Variants in GLIPR1L2 observed in about 807,000 individuals in gnomAD.
The protein encoded by GLIPR1L2 is GLIPR1 like 2.
GLIPR1L2 carries 21 observed loss-of-function variants against 28.4 expected under a neutral mutation model. The observed-to-expected ratio is 0.74, with a 90% CI of 0.52 to 1.06. GLIPR1L2 has a LOEUF of 1.06. Ranked by LOEUF, GLIPR1L2 falls within the 50% of genes least tolerant of loss-of-function variation. GLIPR1L2 has a pLI of 0.00. For missense variants in GLIPR1L2, 476 were observed against 416.9 expected (o/e 1.14, Z -1.23); for synonymous variants, 145 against 139.3 (o/e 1.04, Z -0.29).
chr12:75,431,072 G>C lies in GLIPR1L2; in HGVS notation c.946G>C (p.Glu316Gln). 1.5e-6 allele frequency: 2 copies of C among 1,342,256 alleles called. No homozygotes were observed. The highest frequency in any genetic ancestry group is 5.0e-5 in the East Asian group (2 of 40,068). 83.1% of individuals were successfully genotyped at this position (1,342,256 alleles called of 1,614,324 possible). Reference sequence around the variant, plus strand: ...GAAAGAGAAAGAGGAAATGGAAATGGAAATAATGGAAATGGAGGAGGAAAA... The same window carrying C: ...GAAAGAGAAAGAGGAAATGGAAATGCAAATAATGGAAATGGAGGAGGAAAA... ...EKKEKEEMEM[E>Q]IMEMEEEKEE... Residue 316 changes from glutamate (E) to glutamine (Q), a missense_variant, in exon 6 of 6, where the codon GAA becomes CAA. Glu to Gln is a conservative substitution (Grantham distance 29). Transcript: ENST00000550916.
intron 1 of GLIPR1L2, among the ~76,000 whole-genome samples, chr12:75,398,364 A>G (rs61932180): frequency 0.19 from 28,440 of 147,934 alleles, 3,262 homozygotes; most frequent in African/African-American, 0.29. Context: ...TTTATCATAT[A>G]AAGATTGAAT....
intron 1 of GLIPR1L2, among the ~76,000 whole-genome samples, chr12:75,397,972 T>C (rs2045698217): frequency 6.6e-6 from 1 of 151,668 alleles, no homozygotes; most frequent in African/African-American, 2.4e-5. Flanking sequence ...TTAACTTTTC[T>C]CTTCATTTCT....
Position 75,432,571 on chromosome 12 carries a change from T to A in GLIPR1L2, c.*1410T>A, listed in dbSNP as rs2046101285. The A allele has an allele frequency of 6.6e-6, 1 of 151,974 alleles. No individual in the cohort carries two copies. Among genetic ancestry groups the A allele is most frequent in the African/African-American group, 2.4e-5 (1 of 41,410 alleles). 9.4% of individuals were successfully genotyped at this position (151,974 alleles called of 1,614,324 possible). A position where few individuals can be genotyped will look rare whatever the true frequency, so the allele number is the denominator to read the frequency against. On this transcript the variant is annotated 3_prime_UTR_variant, in exon 6 of 6. Transcript: ENST00000550916. ...GCATAGCCAAATACCTCAAATGGTA[T>A]AAATGCTATGTGTATTTACTCTGTT...
At chr12:75,410,961 G>C (rs1029713862) in intron 2 of GLIPR1L2, among the ~76,000 whole-genome samples, 6 of 151,764 alleles carry the variant, frequency 4.0e-5, no homozygotes, top group African/African-American at 1.2e-4. Context: ...AAGGAGGAAA[G>C]AAACCAGTAA....
chr12:75,410,542 G>A lies in GLIPR1L2; in HGVS notation c.343G>A (p.Gly115Ser), dbSNP rs768144760. The change falls in exon 2 of 6, where the codon GGT becomes AGT. Residue 115 changes from glycine (G) to serine (S), a missense_variant. Gly to Ser is a moderately conservative substitution (Grantham distance 56). Transcript: ENST00000550916. Reference protein sequence around the residue: ...DVQMVHPKFYGIGENMWVGPE... With the variant: ...DVQMVHPKFYSIGENMWVGPE... ...ACAAATGGTCCATCCTAAATTTTATGGTATTGGTGAAAATATGTGGGTCGG... is the reference window on the plus strand; with the variant it reads ...ACAAATGGTCCATCCTAAATTTTATAGTATTGGTGAAAATATGTGGGTCGG... The A allele has an allele frequency of 1.2e-6, 2 of 1,612,174 alleles. No individual in the cohort carries two copies. The highest frequency in any genetic ancestry group is 4.5e-5 in the East Asian group (2 of 44,794).
intron 1 of GLIPR1L2, among the ~76,000 whole-genome samples, chr12:75,404,786 G>A (rs902720217): frequency 4.6e-5 from 7 of 152,032 alleles, no homozygotes; most frequent in Non-Finnish European, 1.0e-4. Context: ...GAAATAACTT[G>A]AGATGCTAGG....
rs774469513 is a variant in GLIPR1L2 at position 75,391,301 on chromosome 12, A to G, written c.185A>G (p.Asn62Ser). Reference protein sequence around the residue: ...DFINEYVNLHNELRGDVIPRG... With the variant: ...DFINEYVNLHSELRGDVIPRG... Reference sequence around the variant, plus strand: ...ATCAACGAGTACGTGAACCTCCACAATGAGCTGCGGGGCGACGTCATTCCC... The same window carrying G: ...ATCAACGAGTACGTGAACCTCCACAGTGAGCTGCGGGGCGACGTCATTCCC... Residue 62 changes from asparagine to serine, a missense_variant, in exon 1 of 6, where the codon AAT (asparagine) becomes AGT (serine). Physicochemically the swap from Asn to Ser is conservative, Grantham distance 46. Transcript: ENST00000550916. 13 of 1,614,190 alleles carry G rather than the reference A, an allele frequency of 8.1e-6. No individual in the cohort carries two copies. The highest frequency in any genetic ancestry group is 5.0e-5 in the Admixed American group (3 of 60,030).
At chr12:75,420,279 G>A (rs1039872120) in intron 3 of GLIPR1L2, among the ~76,000 whole-genome samples, 13 of 152,196 alleles carry the variant, frequency 8.5e-5, no homozygotes, top group South Asian at 2.1e-4. Context: ...CCTCCTTGAT[G>A]AACAAGATGG....
chr12:75,426,089 TAAAAC>T (rs2046031386), intron 4 of GLIPR1L2, among the ~76,000 whole-genome samples: 1 of 152,048 alleles, frequency 6.6e-6, no homozygotes, highest in East Asian at 1.9e-4. Flanking sequence ...AAATAAGTAA[TAAAAC>T]AAATTTTACA....
At chr12:75,415,052 G>A (rs976336535) in intron 3 of GLIPR1L2, among the ~76,000 whole-genome samples, 2 of 152,076 alleles carry the variant, frequency 1.3e-5, no homozygotes, top group African/African-American at 4.8e-5. Context: ...AAAACCAGAT[G>A]TTCCAGGTAG....
chr12:75,398,741 A>C (rs2045709255), intron 1 of GLIPR1L2, among the ~76,000 whole-genome samples: 1 of 152,198 alleles, frequency 6.6e-6, no homozygotes, highest in African/African-American at 2.4e-5. Context: ...TAAAAAAAGA[A>C]AGAACAGTGC....
At chr12:75,418,472 T>A (rs774654096) in intron 3 of GLIPR1L2, among the ~76,000 whole-genome samples, 3 of 152,062 alleles carry the variant, frequency 2.0e-5, no homozygotes, top group African/African-American at 7.2e-5. Flanking sequence ...ATAGAAAAAA[T>A]TATTTATTAA....
chr12:75,395,001 A>G (rs1368208571), intron 1 of GLIPR1L2, among the ~76,000 whole-genome samples: 1 of 151,726 alleles, frequency 6.6e-6, no homozygotes, highest in Admixed American at 6.6e-5. Flanking sequence ...TTTTGATGCT[A>G]TTGTGGTGGA....
chr12:75,418,835 G>A (rs1315195308), intron 3 of GLIPR1L2, among the ~76,000 whole-genome samples: 2 of 152,182 alleles, frequency 1.3e-5, no homozygotes, highest in East Asian at 3.9e-4. Flanking sequence ...CCATTTGTTT[G>A]TGTCCTCTTT....
chr12:75,398,489 C>A (rs962927827), intron 1 of GLIPR1L2, among the ~76,000 whole-genome samples: 14 of 152,044 alleles, frequency 9.2e-5, no homozygotes, highest in African/African-American at 3.4e-4. Flanking sequence ...AAGATTGTGT[C>A]TTAGCTTCGT....
intron 4 of GLIPR1L2, among the ~76,000 whole-genome samples, chr12:75,430,074 T>C (rs923822236): frequency 6.6e-6 from 1 of 151,854 alleles, no homozygotes; most frequent in African/African-American, 2.4e-5. Flanking sequence ...TAGCTGAGAC[T>C]ACAGGCAAAA....
At chr12:75,427,174 A>T (rs1036196349) in intron 4 of GLIPR1L2, among the ~76,000 whole-genome samples, 6 of 152,192 alleles carry the variant, frequency 3.9e-5, no homozygotes, top group African/African-American at 7.2e-5. Context: ...AGAATATTTA[A>T]AGCTGACAAA....
chr12:75,392,237 T>C (rs2045625682), intron 1 of GLIPR1L2, among the ~76,000 whole-genome samples: 1 of 152,230 alleles, frequency 6.6e-6, no homozygotes, highest in Non-Finnish European at 1.5e-5. Context: ...GTATGATATT[T>C]TTTATTAATT....
Position 75,421,135 on chromosome 12 carries a change from AT to A in GLIPR1L2, c.585-1768del, listed in dbSNP as rs2045972132. On this transcript the variant is annotated intron_variant, in intron 3 of 5. Transcript: ENST00000550916. ...ATACATCTGCTTTTGTGTTGGAGGC[AT>A]CTGTTTTGGTGAAAAGGGGTTGGGA... Among the ~76,000 whole-genome samples, 6 of 152,272 alleles carry A rather than the reference AT, an allele frequency of 3.9e-5. No homozygotes were observed. The South Asian group carries it at 1.2e-3, about 32-fold the overall frequency.
Sources: allele counts gnomAD v4.1 joint callset (sites outside exome capture counted in the v4.1 genomes callset), GRCh38; gene constraint gnomAD v4.1.1; transcripts MANE v1.5; gene names NCBI Gene and HGNC (gene_info 2026-07-23, HGNC 2026-07-21).